PDZRN3: variants seen among roughly 807,000 people sequenced by gnomAD.
The protein encoded by PDZRN3 is PDZ domain containing ring finger 3, also known as E3 ubiquitin-protein ligase PDZRN3.
In PDZRN3, 38 loss-of-function variants were observed where a neutral mutation model predicts 85.7. The ratio of observed to expected loss-of-function variants is 0.44; its 90% CI spans 0.34 to 0.58. PDZRN3 has a LOEUF of 0.58. Ranked by LOEUF, PDZRN3 falls within the 20% of genes least tolerant of loss-of-function variation. PDZRN3 has a pLI of 0.01. For synonymous variants in PDZRN3, 759 were observed against 638.0 expected (o/e 1.19, Z -2.86); for missense variants, 1,629 against 1,506.4 (o/e 1.08, Z -1.35).
chr3:73,581,080 A>G (rs934052377), intron 3 of PDZRN3, among the ~76,000 whole-genome samples: 2 of 152,218 alleles, frequency 1.3e-5, no homozygotes, highest in African/African-American at 2.4e-5. Flanking sequence ...GTAAATTTCT[A>G]AAGTTCAGAT....
At chr3:73,576,390 C>T (rs1023254317) in intron 3 of PDZRN3, among the ~76,000 whole-genome samples, 2 of 152,138 alleles carry the variant, frequency 1.3e-5, no homozygotes, top group Non-Finnish European at 2.9e-5. Context: ...CTATGTGTCC[C>T]ATAATCAATC....
At chr3:73,443,498 T>TTTTTTG (rs57581231) in intron 3 of PDZRN3, among the ~76,000 whole-genome samples, 6 of 129,090 alleles carry the variant, frequency 4.6e-5, no homozygotes, top group African/African-American at 2.4e-4. Flanking sequence ...TTTTTTTTTT[T>TTTTTTG]GGGGGGGGGA....
At position 73,621,258 on chromosome 3, in the gene PDZRN3, G is replaced by T. The variant is rs534982501; in HGVS notation, c.723+2845C>A. On this transcript the variant is annotated intron_variant, in intron 1 of 9. Transcript: ENST00000263666. ...CTAACAAACCCTAAGCGTTCAGCAG[G>T]TGTCAAAAAAACTGAAACCTAAGAT... Among the ~76,000 whole-genome samples, 13 of 152,304 alleles carry T rather than the reference G, an allele frequency of 8.5e-5. No individual in the cohort carries two copies. The East Asian group carries it at 1.5e-3, about 18-fold the overall frequency.
chr3:73,482,598 T>C lies in PDZRN3; in HGVS notation c.919-78203A>G, dbSNP rs141582760. 2.6e-3 allele frequency among the ~76,000 whole-genome samples: 390 copies of C among 152,322 alleles called. 1 individual carries two copies. The highest frequency in any genetic ancestry group is 3.7e-3 in the Non-Finnish European group (255 of 68,036). On this transcript the variant is annotated intron_variant, in intron 3 of 9. Coordinates refer to ENST00000263666, the MANE Select transcript of PDZRN3 (RefSeq NM_015009.3). The stretch of plus-strand genomic sequence containing the variant: ...CAACTCCATTTTTTAAAACATCATG[T>C]ACCCCAAAGGTGGCAATTCTCCTCT...
chr3:73,523,053 C>T (rs191595449), intron 3 of PDZRN3, among the ~76,000 whole-genome samples: 5 of 152,198 alleles, frequency 3.3e-5, no homozygotes, highest in African/African-American at 9.6e-5. Flanking sequence ...GAAGAAGTCT[C>T]GCTCTGTCGC....
Position 73,383,352 on chromosome 3 carries a change from G to C in PDZRN3, c.*13C>G, listed in dbSNP as rs1444728043. Reference sequence around the variant, plus strand: ...TAGTGGTCTCCTTTATGTACATAATGCAGAAGTGAAAATTATACAGTAGTC... The same window carrying C: ...TAGTGGTCTCCTTTATGTACATAATCCAGAAGTGAAAATTATACAGTAGTC... On this transcript the variant is annotated 3_prime_UTR_variant, in exon 10 of 10. Transcript: ENST00000263666. The C allele has an allele frequency of 1.3e-6, 2 of 1,588,700 alleles. No individual in the cohort carries two copies. The highest frequency in any genetic ancestry group is 2.7e-5 in the African/African-American group (2 of 74,328).
Position 73,385,805 on chromosome 3 carries a change from A to G in PDZRN3, c.1519-20T>C, listed in dbSNP as rs1283126462. 7.5e-6 allele frequency: 10 copies of G among 1,339,458 alleles called. No individual in the cohort carries two copies. Among genetic ancestry groups the G allele is most frequent in the East Asian group, 4.6e-5 (2 of 43,602 alleles). 83.0% of individuals were successfully genotyped at this position (1,339,458 alleles called of 1,614,324 possible). A position where few individuals can be genotyped will look rare whatever the true frequency, so the allele number is the denominator to read the frequency against. ...ATCCAGCTGCAGGCAAGAGCAGCCA[A>G]CACATGCCTTAGAAGTTTCCTTTCA... On this transcript the variant is annotated intron_variant, in intron 8 of 9. Transcript: ENST00000263666.
chr3:73,592,885 A>G (rs981978593), intron 3 of PDZRN3, among the ~76,000 whole-genome samples: 1 of 152,102 alleles, frequency 6.6e-6, no homozygotes, highest in African/African-American at 2.4e-5. Context: ...TGTTCATAGC[A>G]CCCTGGTCTA....
intron 3 of PDZRN3, among the ~76,000 whole-genome samples, chr3:73,589,179 G>C (rs1702319424): frequency 6.6e-6 from 1 of 152,030 alleles, no homozygotes; most frequent in Non-Finnish European, 1.5e-5. Context: ...CAAGTAGCTG[G>C]GACACTTTTG....
At chr3:73,396,434 A>G (rs1701638395) in intron 5 of PDZRN3, among the ~76,000 whole-genome samples, 1 of 152,150 alleles carries the variant, frequency 6.6e-6, no homozygotes. Flanking sequence ...TGAGGAAGCC[A>G]CTTCAATCCA....
chr3:73,531,026 G>A (rs535201951), intron 3 of PDZRN3, among the ~76,000 whole-genome samples: 43 of 152,186 alleles, frequency 2.8e-4, no homozygotes, highest in African/African-American at 9.4e-4. Flanking sequence ...CGAGGTGGGC[G>A]GATCCTGAGG....
At chr3:73,597,479 T>C (rs1343699751) in intron 3 of PDZRN3, among the ~76,000 whole-genome samples, 1 of 152,154 alleles carries the variant, frequency 6.6e-6, no homozygotes. Flanking sequence ...AATAGAGGGC[T>C]TAAGTCTCCC....
At chr3:73,384,987 C>T (rs1312193111) in intron 9 of PDZRN3, 57 bp from the exon 10 acceptor site, 2 of 1,528,736 alleles carry the variant, frequency 1.3e-6, no homozygotes, top group East Asian at 2.3e-5. Flanking sequence ...AGCAGGTACT[C>T]AGGTTTGACC....
intron 3 of PDZRN3, among the ~76,000 whole-genome samples, chr3:73,470,141 T>C (rs1282831931): frequency 6.6e-6 from 1 of 152,116 alleles, no homozygotes; most frequent in Non-Finnish European, 1.5e-5. Flanking sequence ...TAATCAAGAT[T>C]AGTGGCTGTT....
At chr3:73,608,232 C>A (rs1258082662) in intron 2 of PDZRN3, among the ~76,000 whole-genome samples, 1 of 152,148 alleles carries the variant, frequency 6.6e-6, no homozygotes, top group Admixed American at 6.5e-5. Context: ...CAGTCTGGAG[C>A]ACCACACTCC....
chr3:73,590,166 G>GT (rs937484140), intron 3 of PDZRN3, among the ~76,000 whole-genome samples: 1 of 150,142 alleles, frequency 6.7e-6, no homozygotes, highest in Non-Finnish European at 1.5e-5. Flanking sequence ...CTACTTGGGG[G>GT]GCTGAGGCAC....
intron 2 of PDZRN3, among the ~76,000 whole-genome samples, chr3:73,605,382 T>G (rs1174288967): frequency 6.6e-6 from 1 of 152,192 alleles, no homozygotes; most frequent in Non-Finnish European, 1.5e-5. Flanking sequence ...GGGATTGTTT[T>G]CATAGCAAGG....
intron 3 of PDZRN3, among the ~76,000 whole-genome samples, chr3:73,586,848 T>C (rs527304496): frequency 6.6e-6 from 1 of 152,280 alleles, no homozygotes; most frequent in Non-Finnish European, 1.5e-5. Flanking sequence ...CCCTTTGTGG[T>C]AAGTCTATGA....
chr3:73,572,824 A>G (rs1304196306), intron 3 of PDZRN3, among the ~76,000 whole-genome samples: 6 of 152,222 alleles, frequency 3.9e-5, no homozygotes, highest in African/African-American at 4.8e-5. Flanking sequence ...TGCATTTGGG[A>G]AAACTATGCA....
Sources: gnomAD v4.1 joint callset for allele counts (sites outside exome capture counted in the v4.1 genomes callset) on GRCh38, gnomAD v4.1.1 for gene constraint, MANE v1.5 for transcripts, NCBI Gene and HGNC (gene_info 2026-07-23, HGNC 2026-07-21) for gene names.